The following PCDHGA2 variants were observed in gnomAD, a reference collection of about 807,000 sequenced individuals.
PCDHGA2 encodes protocadherin gamma-A2.
A neutral mutation model predicts 59.2 loss-of-function variants in PCDHGA2; 40 were observed. The ratio of observed to expected loss-of-function variants is 0.68; its 90% CI spans 0.52 to 0.88. PCDHGA2 has a LOEUF of 0.88. Ranked by LOEUF, PCDHGA2 falls within the 40% of genes least tolerant of loss-of-function variation. The probability of loss-of-function intolerance (pLI) is 0.00; values close to 1 mark genes in which losing one functional copy is unlikely to be tolerated. For synonymous variants in PCDHGA2, 560 were observed against 526.0 expected, an observed-to-expected ratio of 1.06 and a Z score of -0.89; for missense variants, 1,226 against 1,204.0, an observed-to-expected ratio of 1.02 and a Z score of -0.27.
intron 1 of PCDHGA2, 48 bp from the exon 2 acceptor site, chr5:141,494,759 C>CT: frequency 6.2e-7 from 1 of 1,613,886 alleles, no homozygotes; most frequent in Non-Finnish European, 8.5e-7. Flanking sequence ...GGGTGACATT[C>CT]TAACTTCTCA....
intron 1 of PCDHGA2, chr5:141,478,935 A>G: frequency 1.6e-6 from 1 of 638,574 alleles, no homozygotes. Flanking sequence ...GGCAGCTTCT[A>G]GGAATACAAA....
At position 141,511,423 on chromosome 5, in the gene PCDHGA2, A is replaced by G. The variant is rs1301463531; in HGVS notation, c.*250A>G. On this transcript the variant is annotated 3_prime_UTR_variant, in exon 4 of 4. Transcript: ENST00000394576. ...AATCAACTGCTGTACCCATGGGGGTAGTGGGGTTACTGTAGACACCAAGAA... is the reference window on the plus strand; with the variant it reads ...AATCAACTGCTGTACCCATGGGGGTGGTGGGGTTACTGTAGACACCAAGAA... 15 of 818,384 alleles carry G rather than the reference A, an allele frequency of 1.8e-5. No homozygotes were observed. Among genetic ancestry groups the G allele is most frequent in the East Asian group, 3.0e-5 (1 of 33,874 alleles). 50.7% of individuals were successfully genotyped at this position (818,384 alleles called of 1,614,324 possible). A position where few individuals can be genotyped will look rare whatever the true frequency, so the allele number is the denominator to read the frequency against.
intron 1 of PCDHGA2, chr5:141,356,521 C>T: frequency 1.2e-6 from 2 of 1,613,646 alleles, no homozygotes; most frequent in Non-Finnish European, 1.7e-6. Context: ...TATTTCACTG[C>T]AAGTGATGGA....
chr5:141,408,918 C>G, intron 1 of PCDHGA2: 1 of 1,613,408 alleles, frequency 6.2e-7, no homozygotes, highest in Non-Finnish European at 8.5e-7. Flanking sequence ...AATGATAACC[C>G]CCCGGTTTTC....
intron 1 of PCDHGA2, chr5:141,393,030 C>T (rs1376617687): frequency 1.2e-6 from 2 of 1,613,780 alleles, no homozygotes; most frequent in Admixed American, 3.3e-5. Context: ...AGGTAGGACG[C>T]AGCTCTTTGC....
At position 141,476,717 on chromosome 5, in the gene PCDHGA2, G is replaced by A. The variant is rs2099397053; in HGVS notation, c.2425-18090G>A. 6.2e-7 allele frequency: 1 copy of A among 1,614,048 alleles called. No homozygotes were observed. The stretch of plus-strand genomic sequence containing the variant: ...GTACGCGGAGCTGGTGTTGGAGCGC[G>A]CCCTGGACCGAGAACGGGAGCCTAG... On this transcript the variant is annotated intron_variant, in intron 1 of 3. Transcript: ENST00000394576. This position sits in a 1 kb window ranked among gnomAD's most constrained non-coding sequence, Gnocchi z 7.6.
Position 141,490,345 on chromosome 5 carries a change from G to C in PCDHGA2, c.2425-4462G>C, listed in dbSNP as rs2099698831. On this transcript the variant is annotated intron_variant, in intron 1 of 3. Coordinates refer to ENST00000394576, the MANE Select transcript of PCDHGA2 (RefSeq NM_018915.4). This position sits in a 1 kb window ranked among gnomAD's most constrained non-coding sequence, Gnocchi z 5.4. ...AGAGAGCACACCAGTGGGCACAGTA[G>C]TGGGGTTGTTTAATGTGCGAGACCG... is the stretch of plus-strand genomic sequence containing the variant. 1 of 1,614,216 alleles carries C rather than the reference G, an allele frequency of 6.2e-7. No homozygotes were observed. Among genetic ancestry groups the C allele is most frequent in the Non-Finnish European group, 8.5e-7 (1 of 1,180,034 alleles).
intron 1 of PCDHGA2, chr5:141,375,722 T>G (rs1422655230): frequency 6.2e-7 from 1 of 1,614,260 alleles, no homozygotes; most frequent in South Asian, 1.1e-5. Context: ...CAGCAACGTG[T>G]CACTGAGCCT....
chr5:141,342,467 T>G (rs1757164084), intron 1 of PCDHGA2: 2 of 152,238 alleles, frequency 1.3e-5, no homozygotes, highest in South Asian at 4.1e-4. Flanking sequence ...AAAATTATCA[T>G]GTACCAATTG....
Position 141,338,923 on chromosome 5 carries a change from C to T in PCDHGA2, c.-49C>T, listed in dbSNP as rs182504742. ...ACCCTGAGGAATAAAGATTGGAATC[C>T]GCACTGGATGCTGGAAGTTGACTCG... On this transcript the variant is annotated 5_prime_UTR_variant, in exon 1 of 4. Coordinates refer to ENST00000394576, the MANE Select transcript of PCDHGA2 (RefSeq NM_018915.4). The T allele has an allele frequency of 6.6e-7, 1 of 1,513,342 alleles. No individual in the cohort carries two copies. Among genetic ancestry groups the T allele is most frequent in the Non-Finnish European group, 8.8e-7 (1 of 1,131,086 alleles). The allele number at this position is 1,513,342 out of a possible 1,614,324, so 93.7% of individuals were successfully genotyped here.
chr5:141,420,960 T>C, intron 1 of PCDHGA2: 1 of 425,378 alleles, frequency 2.4e-6, no homozygotes, highest in East Asian at 3.9e-5. Context: ...TCTTAGTCGT[T>C]GCAATAATAA....
At chr5:141,423,982 T>C in intron 1 of PCDHGA2, 3 of 1,106,134 alleles carry the variant, frequency 2.7e-6, no homozygotes, top group Non-Finnish European at 3.4e-6. Flanking sequence ...TGTATGAGGC[T>C]CTCAATTTAT....
At position 141,392,949 on chromosome 5, in the gene PCDHGA2, G is replaced by A. The variant is rs747367099; in HGVS notation, c.2424+51554G>A. On this transcript the variant is annotated intron_variant, in intron 1 of 3. Transcript: ENST00000394576. ...AGAGACGGACAAAGGCTCCTTCGTG[G>A]GTAATATCTCCAAGGACCTGGGGCT... The A allele has an allele frequency of 5.6e-6, 9 of 1,613,906 alleles. No homozygotes were observed. In the South Asian group the frequency reaches 8.8e-5, roughly 16 times the overall value.
chr5:141,450,893 C>T (rs1306212499), intron 1 of PCDHGA2, among the ~76,000 whole-genome samples: 3 of 149,144 alleles, frequency 2.0e-5, no homozygotes, highest in East Asian at 2.0e-4. Flanking sequence ...GGTGCGATAT[C>T]GGCTCACTGC....
chr5:141,425,836 C>T (rs568578402), intron 1 of PCDHGA2, among the ~76,000 whole-genome samples: 1 of 152,344 alleles, frequency 6.6e-6, no homozygotes, highest in East Asian at 1.9e-4. Context: ...TTTAAATTCT[C>T]TTTGCTGGGT....
At chr5:141,342,629 T>C (rs1049165888) in intron 1 of PCDHGA2, 1 of 152,204 alleles carries the variant, frequency 6.6e-6, no homozygotes, top group African/African-American at 2.4e-5. Flanking sequence ...TGGAATAATA[T>C]GTCATAATAG....
Position 141,490,652 on chromosome 5 carries a change from C to T in PCDHGA2, c.2425-4155C>T, listed in dbSNP as rs1277273880. The T allele has an allele frequency of 1.2e-6, 2 of 1,614,208 alleles. No individual in the cohort carries two copies. The highest frequency in any genetic ancestry group is 1.7e-6 in the Non-Finnish European group (2 of 1,180,026). On this transcript the variant is annotated intron_variant, in intron 1 of 3. Coordinates refer to ENST00000394576, the MANE Select transcript of PCDHGA2 (RefSeq NM_018915.4). The surrounding 1 kb of genome is among the most constrained non-coding windows in gnomAD (Gnocchi z 5.4). ...ATCCTAGAAAACCGGCCTCCGGGCT[C>T]CCTTCTTTGCACTGTGGCTGCCTCA...
intron 1 of PCDHGA2, among the ~76,000 whole-genome samples, chr5:141,347,578 G>A (rs1381748285): frequency 6.6e-6 from 1 of 152,132 alleles, no homozygotes; most frequent in Non-Finnish European, 1.5e-5. Flanking sequence ...CTTGAAGTCA[G>A]GAGTTCAAGA....
rs1459105534 is a variant in PCDHGA2 at position 141,366,603 on chromosome 5, C to T, written c.2424+25208C>T. 5 of 1,614,108 alleles carry T rather than the reference C, an allele frequency of 3.1e-6. No homozygotes were observed. The Admixed American group carries it at 8.3e-5, about 27-fold the overall frequency. ...CTGCAGACCTATTCCCACGAGGTCT[C>T]CCTCACCGCGGACTCGAGGAAGAGT... is the stretch of plus-strand genomic sequence containing the variant. On this transcript the variant is annotated intron_variant, in intron 1 of 3. Transcript: ENST00000394576.
Sources: allele counts gnomAD v4.1 joint callset (sites outside exome capture counted in the v4.1 genomes callset), GRCh38; gene constraint gnomAD v4.1.1; non-coding constraint Gnocchi (gnomAD v3.1); transcripts MANE v1.5; gene names NCBI Gene and HGNC (gene_info 2026-07-23, HGNC 2026-07-21).